SCNN1B: variants seen among roughly 807,000 people sequenced by gnomAD.
SCNN1B encodes epithelial sodium channel subunit beta.
SCNN1B carries 46 observed loss-of-function variants against 65.3 expected under a neutral mutation model. That is an observed-to-expected ratio of 0.70 (90% confidence interval 0.56 to 0.90). The LOEUF is 0.90. SCNN1B is among the 40% of genes least tolerant of loss of function. The probability of loss-of-function intolerance (pLI) is 0.00; values close to 1 mark genes in which losing one functional copy is unlikely to be tolerated. For missense variants in SCNN1B, 751 were observed against 830.5 expected, an observed-to-expected ratio of 0.90 and a Z score of 1.18; for synonymous variants, 349 against 330.6, an observed-to-expected ratio of 1.06 and a Z score of -0.60.
Position 23,355,557 on chromosome 16 carries a change from G to A in SCNN1B, c.776+68G>A, listed in dbSNP as rs1258202054. ...AGAGACAGTGGCATGTTACGGTTGG[G>A]AGCACAGCCTGCCAGGGTTCCAATC... On this transcript the variant is annotated intron_variant, in intron 4 of 12. Coordinates refer to ENST00000343070, the MANE Select transcript of SCNN1B (RefSeq NM_000336.3). 5.3e-6 allele frequency: 8 copies of A among 1,515,568 alleles called. No homozygotes were observed. In the South Asian group the frequency reaches 7.9e-5, roughly 15 times the overall value. The allele number at this position is 1,515,568 out of a possible 1,614,324, so 93.9% of individuals were successfully genotyped here.
intron 1 of SCNN1B, among the ~76,000 whole-genome samples, chr16:23,308,638 AT>A (rs1961272042): frequency 6.6e-6 from 1 of 151,972 alleles, no homozygotes; most frequent in Admixed American, 6.6e-5. Context: ...ATCTTATCTT[AT>A]TTGTTTATTT....
In SCNN1B at chr16:23,348,104, C is replaced by T. The variant is rs1450512368; in HGVS notation, c.-8-488C>T. Among the ~76,000 whole-genome samples, 1 of 152,154 alleles carries T rather than the reference C, an allele frequency of 6.6e-6. No homozygotes were observed. The highest frequency in any genetic ancestry group is 2.4e-5 in the African/African-American group (1 of 41,430). On this transcript the variant is annotated intron_variant, in intron 1 of 12. Transcript: ENST00000343070. The surrounding 1 kb of genome is among the most constrained non-coding windows in gnomAD (Gnocchi z 4.5). ...ACTCACTCACCTGGGACCATGCAGA[C>T]ACATCATGGGGAGGACATGTAAACT...
rs772519462 is a variant in SCNN1B at position 23,325,920 on chromosome 16, AAT to A, written c.-8-22668_-8-22667del. 8.3e-3 allele frequency among the ~76,000 whole-genome samples: 678 copies of A among 81,218 alleles called. 7 individuals are homozygous for A. The highest frequency in any genetic ancestry group is 0.039 in the African/African-American group (458 of 11,870). The allele number at this position is 81,218 out of a possible 152,430, so 53.3% of individuals were successfully genotyped here. ...AAATAAATAAATAAATAAATAAATA[AAT>A]ATAAATAAAAGCCACACAGCTGTAG... On this transcript the variant is annotated intron_variant, in intron 1 of 12. Transcript: ENST00000343070.
chr16:23,281,686 T>C (rs933558238), intron 1 of SCNN1B, among the ~76,000 whole-genome samples: 6 of 152,202 alleles, frequency 3.9e-5, no homozygotes, highest in African/African-American at 1.2e-4. Context: ...TTCTGACATG[T>C]CCTGGTTTTA....
chr16:23,301,503 G>T (rs1370337981), upstream of SCNN1B, among the ~76,000 whole-genome samples: 1 of 152,078 alleles, frequency 6.6e-6, no homozygotes, highest in Non-Finnish European at 1.5e-5. Flanking sequence ...TTTTGAGAAT[G>T]ACTGCATTAA....
rs1223701346 is a variant in SCNN1B at position 23,374,268 on chromosome 16, G to GAAAAAAAAAAAAAA, written c.1153-1462_1153-1449dup. On this transcript the variant is annotated intron_variant, in intron 7 of 12. Transcript: ENST00000343070. ...GCAACAGAGTGAGACCCTGTCTCAG[G>GAAAAAAAAAAAAAA]AAAAAAAAAAAAAAAAAAAAAGAGG... 5.6e-4 allele frequency among the ~76,000 whole-genome samples: 34 copies of GAAAAAAAAAAAAAA among 60,450 alleles called. 2 individuals carry two copies. The Admixed American group carries it at 7.9e-3, about 14-fold the overall frequency. The allele number at this position is 60,450 out of a possible 152,430, so 39.7% of individuals were successfully genotyped here. A position where few individuals can be genotyped will look rare whatever the true frequency, so the allele number is the denominator to read the frequency against.
intron 4 of SCNN1B, among the ~76,000 whole-genome samples, chr16:23,355,833 G>A (rs999497321): frequency 2.0e-5 from 3 of 151,952 alleles, no homozygotes; most frequent in Non-Finnish European, 2.9e-5. Context: ...GCTTACCCCT[G>A]TAGTCCCAGC....
At chr16:23,333,210 GAAGA>G (rs1296841334) in intron 1 of SCNN1B, among the ~76,000 whole-genome samples, 1,556 of 86,010 alleles carry the variant, frequency 0.018, 53 homozygotes, top group South Asian at 0.03. Context: ...AGGAAGGAAG[GAAGA>G]AAGAAAAAAG....
intron 1 of SCNN1B, among the ~76,000 whole-genome samples, chr16:23,340,283 A>T (rs1962028696): frequency 6.6e-6 from 1 of 152,222 alleles, no homozygotes; most frequent in Non-Finnish European, 1.5e-5. Flanking sequence ...GAAAAGCAGA[A>T]GATTTTAATT....
At chr16:23,372,244 T>G (rs557668797) in intron 7 of SCNN1B, 27 of 356,044 alleles carry the variant, frequency 7.6e-5, no homozygotes, top group Non-Finnish European at 8.1e-5. Context: ...CATCGTCATT[T>G]AATCTTTCAA....
chr16:23,287,790 A>G (rs1401233637), intron 2 of SCNN1B, among the ~76,000 whole-genome samples: 1 of 149,576 alleles, frequency 6.7e-6, no homozygotes, highest in Non-Finnish European at 1.5e-5. Flanking sequence ...ACATGATGGT[A>G]TTGTAACTAA....
chr16:23,373,652 C>T (rs1023564101), intron 7 of SCNN1B, among the ~76,000 whole-genome samples: 4 of 152,210 alleles, frequency 2.6e-5, no homozygotes, highest in African/African-American at 9.6e-5. Context: ...AAGAGGGCAG[C>T]CCAGTGCCTG....
rs988575448 is a variant in SCNN1B, at chr16:23,352,841, C to A, written c.352C>A (p.Leu118Met). 3.7e-6 allele frequency: 6 copies of A among 1,614,212 alleles called. No individual in the cohort carries two copies. The Admixed American group carries it at 6.7e-5, about 18-fold the overall frequency. ...IKHLLKDLDE[L>M]MEAVLERILA... is the part of the protein sequence containing the mutation. ...GCATTTGCTGAAGGACCTGGATGAG[C>A]TGATGGAAGCTGTCCTGGAGAGAAT... The change falls in exon 3 of 13, where the codon CTG becomes ATG. Residue 118 changes from leucine (L) to methionine (M), a missense_variant. Physicochemically the swap from Leu to Met is conservative, Grantham distance 15. Coordinates refer to ENST00000343070, the MANE Select transcript of SCNN1B (RefSeq NM_000336.3).
Position 23,323,438 on chromosome 16 carries a change from C to T in SCNN1B, c.-9+21001C>T, listed in dbSNP as rs985887633. On this transcript the variant is annotated intron_variant, in intron 1 of 12. Coordinates refer to ENST00000343070, the MANE Select transcript of SCNN1B (RefSeq NM_000336.3). The stretch of plus-strand genomic sequence containing the variant: ...GCATGGGTATATGCAAATAAGAAGC[C>T]TCTCATAGGCACTGATCTCTCTCCA... The T allele has an allele frequency of 9.1e-6, 6 of 657,414 alleles. No homozygotes were observed. The Admixed American group carries it at 1.4e-4, about 15-fold the overall frequency. 40.7% of individuals were successfully genotyped at this position (657,414 alleles called of 1,614,324 possible).
chr16:23,355,101 G>A lies in SCNN1B; in HGVS notation c.586-198G>A, dbSNP rs152745. Among the ~76,000 whole-genome samples the A allele has an allele frequency of 0.54, 82,400 of 151,954 alleles. 25,819 individuals carry two copies. The highest frequency in any genetic ancestry group is 0.86 in the African/African-American group (35,769 of 41,462). ...ACCAGCCTGATGAGGGGATCTTGTG[G>A]TCAGCACACAGCTGTGTATGAGGCA... On this transcript the variant is annotated intron_variant, in intron 3 of 12. Transcript: ENST00000343070.
chr16:23,342,921 T>C (rs2142010523), intron 1 of SCNN1B, among the ~76,000 whole-genome samples: 1 of 152,292 alleles, frequency 6.6e-6, no homozygotes, highest in East Asian at 1.9e-4. Flanking sequence ...AATAAAGATG[T>C]TTTAAAATTG....
At chr16:23,310,390 G>A (rs987169545) in intron 1 of SCNN1B, among the ~76,000 whole-genome samples, 2 of 151,494 alleles carry the variant, frequency 1.3e-5, no homozygotes, top group African/African-American at 4.9e-5. Context: ...TATGGATAGG[G>A]TTCTTGCAGG....
chr16:23,371,167 C>T (rs940086838), intron 5 of SCNN1B, 132 bp from the exon 6 acceptor site: 6 of 969,846 alleles, frequency 6.2e-6, no homozygotes, highest in African/African-American at 1.6e-5. Context: ...TGAGTTTTTG[C>T]AAAGTGGAGC....
At chr16:23,344,839 C>A (rs1962150878) in intron 1 of SCNN1B, among the ~76,000 whole-genome samples, 1 of 152,038 alleles carries the variant, frequency 6.6e-6, no homozygotes, top group Non-Finnish European at 1.5e-5. Context: ...ACTGAAAATA[C>A]AAAAATTAGC....
Sources: gnomAD v4.1 joint callset for allele counts (sites outside exome capture counted in the v4.1 genomes callset) on GRCh38, gnomAD v4.1.1 for gene constraint, Gnocchi (gnomAD v3.1) non-coding constraint, MANE v1.5 for transcripts, NCBI Gene and HGNC (gene_info 2026-07-23, HGNC 2026-07-21) for gene names.